The following SGCD variants were observed in gnomAD, a reference collection of about 807,000 sequenced individuals.
SGCD encodes sarcoglycan delta.
Under a neutral mutation model 36.6 loss-of-function variants are expected in SGCD, and 18 were observed. The observed-to-expected ratio is 0.49, with a 90% confidence interval of 0.34 to 0.73. The LOEUF (loss-of-function observed/expected upper bound fraction) is 0.73. Ranked by LOEUF, SGCD falls within the 30% of genes least tolerant of loss-of-function variation. The pLI, the probability that SGCD is intolerant of heterozygous loss-of-function variation, is 0.01. For missense variants in SGCD, 387 were observed against 346.7 expected, an observed-to-expected ratio of 1.12 and a Z score of -0.92; for synonymous variants, 133 against 130.6, an observed-to-expected ratio of 1.02 and a Z score of -0.12.
chr5:156,443,080 G>A (rs1315911385), intron 3 of SGCD, among the ~76,000 whole-genome samples: 1 of 152,092 alleles, frequency 6.6e-6, no homozygotes, highest in Non-Finnish European at 1.5e-5. Flanking sequence ...TGCCTCCTAG[G>A]TTTAGGTGAT....
At chr5:155,947,113 C>T (rs1433127014) in intron 1 of SGCD, among the ~76,000 whole-genome samples, 1 of 152,108 alleles carries the variant, frequency 6.6e-6, no homozygotes, top group South Asian at 2.1e-4. Flanking sequence ...CATGGATGGA[C>T]ATTCAAGGAA....
chr5:156,364,490 A>G (rs760968109), intron 3 of SGCD, among the ~76,000 whole-genome samples: 60 of 152,338 alleles, frequency 3.9e-4, no homozygotes, highest in Middle Eastern at 3.4e-3. Context: ...AATTGCATAA[A>G]TTGAAAAACC....
chr5:156,625,266 C>T (rs1358730759), intron 6 of SGCD, among the ~76,000 whole-genome samples: 1 of 151,974 alleles, frequency 6.6e-6, no homozygotes, highest in Admixed American at 6.6e-5. Flanking sequence ...AACTACAAAT[C>T]CCTTCTCAAA....
chr5:155,993,337 CTTTTTTTTTTT>C (rs34221751), intron 1 of SGCD, among the ~76,000 whole-genome samples: 3 of 114,520 alleles, frequency 2.6e-5, no homozygotes, highest in Non-Finnish European at 3.6e-5. Context: ...ATCTGGGGTC[CTTTTTTTTTTT>C]TTTTTTTTTT....
chr5:156,684,797 C>A (rs1054377100), intron 7 of SGCD, among the ~76,000 whole-genome samples: 1 of 152,150 alleles, frequency 6.6e-6, no homozygotes. Context: ...ATTAGGAATG[C>A]TTCTAAAGAA....
chr5:156,243,071 G>A (rs1765343871), intron 3 of SGCD, among the ~76,000 whole-genome samples: 1 of 152,208 alleles, frequency 6.6e-6, no homozygotes, highest in Non-Finnish European at 1.5e-5. Flanking sequence ...ACCACGGAGA[G>A]GACTGTGTCT....
At chr5:155,962,427 T>A (rs1194509128) in intron 1 of SGCD, among the ~76,000 whole-genome samples, 1 of 152,076 alleles carries the variant, frequency 6.6e-6, no homozygotes, top group Non-Finnish European at 1.5e-5. Context: ...CTAACCTAGG[T>A]CATGCTGAGG....
chr5:155,943,092 T>C (rs925285041), intron 1 of SGCD, among the ~76,000 whole-genome samples: 4 of 152,190 alleles, frequency 2.6e-5, no homozygotes, highest in African/African-American at 4.8e-5. Context: ...ATTCCCTAAG[T>C]AGATTTTCCA....
chr5:156,599,096 A>C (rs1214677654), intron 6 of SGCD, among the ~76,000 whole-genome samples: 2 of 152,218 alleles, frequency 1.3e-5, no homozygotes, highest in Non-Finnish European at 2.9e-5. Flanking sequence ...CTACTCAGTG[A>C]AATGAGCCCA....
intron 3 of SGCD, among the ~76,000 whole-genome samples, chr5:156,418,707 G>T (rs961307462): frequency 9.2e-5 from 14 of 152,310 alleles, no homozygotes; most frequent in African/African-American, 3.4e-4. Context: ...GTGGTTAGGT[G>T]CAGGACATTC....
chr5:155,797,874 C>G, the SGCD span, among the ~76,000 whole-genome samples: 1 of 152,178 alleles, frequency 6.6e-6, no homozygotes, highest in African/African-American at 2.4e-5. Flanking sequence ...ATTGAGTTGT[C>G]CCAATTAGCA....
At chr5:155,804,449 AT>A in the SGCD span, among the ~76,000 whole-genome samples, 2 of 151,986 alleles carry the variant, frequency 1.3e-5, no homozygotes, top group South Asian at 4.2e-4. Context: ...ATGTCCCCCC[AT>A]TTCTGGGTTT....
intron 3 of SGCD, among the ~76,000 whole-genome samples, chr5:156,202,572 C>G (rs1764175584): frequency 6.6e-6 from 1 of 152,064 alleles, no homozygotes; most frequent in African/African-American, 2.4e-5. Context: ...CAGTCAAAGT[C>G]TCTTCTAAAG....
At chr5:155,834,872 G>C in the SGCD span, among the ~76,000 whole-genome samples, 2 of 132,156 alleles carry the variant, frequency 1.5e-5, no homozygotes, top group Admixed American at 1.6e-4. Flanking sequence ...CTCTCACTTT[G>C]TTGCCCAGGC....
At chr5:156,237,389 C>T (rs1251094128) in intron 3 of SGCD, among the ~76,000 whole-genome samples, 2 of 152,114 alleles carry the variant, frequency 1.3e-5, no homozygotes, top group East Asian at 3.9e-4. Context: ...CTTTGGGAGG[C>T]CGAGGCAGGC....
chr5:155,852,471 G>A, the SGCD span, among the ~76,000 whole-genome samples: 2 of 152,116 alleles, frequency 1.3e-5, no homozygotes, highest in African/African-American at 4.8e-5. Context: ...ACTTCTTGAA[G>A]ATAATAGCCT....
chr5:156,534,118 T>C (rs1757999083), intron 4 of SGCD, among the ~76,000 whole-genome samples: 1 of 152,106 alleles, frequency 6.6e-6, no homozygotes, highest in Non-Finnish European at 1.5e-5. Context: ...AGGTTATTTG[T>C]ATGAATTTTA....
chr5:156,660,257 C>T (rs1401913249), intron 7 of SGCD, among the ~76,000 whole-genome samples: 4 of 151,850 alleles, frequency 2.6e-5, no homozygotes, highest in Non-Finnish European at 1.5e-5. Flanking sequence ...GATAACGATA[C>T]CCAATGGAAA....
At chr5:156,011,707 G>A (rs1758864879) in intron 1 of SGCD, among the ~76,000 whole-genome samples, 1 of 152,066 alleles carries the variant, frequency 6.6e-6, no homozygotes, top group Non-Finnish European at 1.5e-5. Flanking sequence ...GAATGTGCTG[G>A]GATTACAGGC....
Sources: gnomAD v4.1 joint callset for allele counts (sites outside exome capture counted in the v4.1 genomes callset) on GRCh38, gnomAD v4.1.1 for gene constraint, MANE v1.5 for transcripts, NCBI Gene and HGNC (gene_info 2026-07-23, HGNC 2026-07-21) for gene names.